Variants in ADCY5 observed in about 807,000 individuals in gnomAD.
The protein encoded by ADCY5 is adenylate cyclase 5.
Under a neutral mutation model 119.7 loss-of-function variants are expected in ADCY5, and 30 were observed. That is an observed-to-expected ratio of 0.25 (90% confidence interval 0.19 to 0.34). ADCY5 has a LOEUF of 0.34. ADCY5 is among the 10% of genes least tolerant of loss of function. The pLI, the probability that ADCY5 is intolerant of heterozygous loss-of-function variation, is 1.00. For synonymous variants in ADCY5, 753 were observed against 762.2 expected, an observed-to-expected ratio of 0.99 and a Z score of 0.20; for missense variants, 1,324 against 1,775.2, an observed-to-expected ratio of 0.75 and a Z score of 4.57.
chr3:123,364,485 G>A (rs1242929618), intron 1 of ADCY5, among the ~76,000 whole-genome samples: 1 of 152,124 alleles, frequency 6.6e-6, no homozygotes, highest in Non-Finnish European at 1.5e-5. Flanking sequence ...TACAGATGAT[G>A]CAAACAGCAT....
At position 123,448,563 on chromosome 3, in the gene ADCY5, C is replaced by A. The variant is rs1945874176; in HGVS notation, c.-18G>T. 1.3e-5 allele frequency: 17 copies of A among 1,262,728 alleles called. No homozygotes were observed. Among genetic ancestry groups the A allele is most frequent in the Non-Finnish European group, 1.7e-5 (17 of 1,005,744 alleles). 78.2% of individuals were successfully genotyped at this position (1,262,728 alleles called of 1,614,324 possible). A position where few individuals can be genotyped will look rare whatever the true frequency, so the allele number is the denominator to read the frequency against. ...CCGGACATCCCCCCCTCGGCCTCGT[C>A]GTCTCCTTCCTCCTCCCCCGGAAGC... On this transcript the variant is annotated 5_prime_UTR_variant, in exon 1 of 21. Coordinates refer to ENST00000462833, the MANE Select transcript of ADCY5 (RefSeq NM_183357.3).
chr3:123,328,260 C>G (rs1425903378), intron 6 of ADCY5, among the ~76,000 whole-genome samples: 2 of 152,146 alleles, frequency 1.3e-5, no homozygotes, highest in African/African-American at 2.4e-5. Context: ...GCAGCAGGCT[C>G]TTCCCACCCC....
chr3:123,320,673 A>G, intron 9 of ADCY5, 76 bp downstream of exon 9: 1 of 1,571,980 alleles, frequency 6.4e-7, no homozygotes, highest in Admixed American at 1.7e-5. Flanking sequence ...GAGTGTGGAG[A>G]AACCAAGTGA....
chr3:123,377,943 A>AC (rs1334716249), intron 1 of ADCY5, among the ~76,000 whole-genome samples: 5 of 151,632 alleles, frequency 3.3e-5, no homozygotes, highest in Non-Finnish European at 5.9e-5. Context: ...AAAAAAAAAA[A>AC]AAAAACTCAA....
At chr3:123,338,533 T>G (rs891806681) in intron 3 of ADCY5, among the ~76,000 whole-genome samples, 3 of 152,210 alleles carry the variant, frequency 2.0e-5, no homozygotes, top group Admixed American at 1.3e-4. Context: ...ATTTCCCAAC[T>G]CAGCGCTGGC....
chr3:123,415,412 A>C (rs1180307305), intron 1 of ADCY5, among the ~76,000 whole-genome samples: 1 of 152,174 alleles, frequency 6.6e-6, no homozygotes, highest in East Asian at 1.9e-4. Flanking sequence ...GGCCGATCAG[A>C]TCACTTCTCA....
intron 1 of ADCY5, among the ~76,000 whole-genome samples, chr3:123,372,113 G>T (rs77486525): frequency 0.012 from 1,843 of 152,268 alleles, 27 homozygotes; most frequent in African/African-American, 0.04. Flanking sequence ...CAGGAGCCCT[G>T]GTTGTCTCCT....
chr3:123,361,224 G>A (rs1012257410), intron 1 of ADCY5, among the ~76,000 whole-genome samples: 2 of 152,036 alleles, frequency 1.3e-5, no homozygotes, highest in Non-Finnish European at 2.9e-5. Context: ...GTCCTCCGGG[G>A]GCACACTCTC....
At chr3:123,366,992 C>T (rs1943464548) in intron 1 of ADCY5, among the ~76,000 whole-genome samples, 1 of 152,178 alleles carries the variant, frequency 6.6e-6, no homozygotes, top group Non-Finnish European at 1.5e-5. Context: ...CAGAGAAATC[C>T]CTGATTTCAA....
At chr3:123,305,209 T>C (rs1940135240) in intron 12 of ADCY5, among the ~76,000 whole-genome samples, 1 of 152,168 alleles carries the variant, frequency 6.6e-6, no homozygotes, top group South Asian at 2.1e-4. Context: ...GCTTTTGTGG[T>C]GAGTGAAGCA....
chr3:123,300,353 G>A (rs1033477627), intron 14 of ADCY5, 58 bp from the exon 15 acceptor site: 1 of 1,563,096 alleles, frequency 6.4e-7, no homozygotes, highest in African/African-American at 1.4e-5. Flanking sequence ...CCGGGCCCTG[G>A]CCCCATGCAT....
At position 123,447,638 on chromosome 3, in the gene ADCY5, T is replaced by C. The variant is rs757908717; in HGVS notation, c.908A>G (p.Tyr303Cys). 3.7e-6 allele frequency: 6 copies of C among 1,609,174 alleles called. No individual in the cohort carries two copies. Among genetic ancestry groups the C allele is most frequent in the African/African-American group, 1.3e-5 (1 of 75,000 alleles). ...FHQDHMGLACYALIAVVLAVQ... is the reference protein window; with the variant it reads ...FHQDHMGLACCALIAVVLAVQ... ...GGCCAGCACCACGGCGATGAGCGCA[T>C]AGCAGGCCAGGCCCATGTGGTCCTG... Residue 303 changes from tyrosine to cysteine, a missense_variant, in exon 1 of 21, where the codon TAT (tyrosine) becomes TGT (cysteine). Transcript: ENST00000462833.
In ADCY5 at chr3:123,406,523, T is replaced by A. The variant is rs1011253717; in HGVS notation, c.1134+40889A>T. Among the ~76,000 whole-genome samples, 8 of 152,336 alleles carry A rather than the reference T, an allele frequency of 5.3e-5. No homozygotes were observed. In the East Asian group the frequency reaches 1.5e-3, roughly 29 times the overall value. Reference sequence around the variant, plus strand: ...CTCCCCAGGCAGTCACAGAGATTATTGTCTGGTGCCCCTGATCAGCAAAGC... The same window carrying A: ...CTCCCCAGGCAGTCACAGAGATTATAGTCTGGTGCCCCTGATCAGCAAAGC... On this transcript the variant is annotated intron_variant, in intron 1 of 20. Transcript: ENST00000462833.
intron 8 of ADCY5, among the ~76,000 whole-genome samples, chr3:123,321,146 T>G (rs1941199572): frequency 6.6e-6 from 1 of 152,086 alleles, no homozygotes; most frequent in Non-Finnish European, 1.5e-5. Context: ...CAGATGGAAA[T>G]CGGGAATTGC....
chr3:123,294,506 C>A (rs763102415), intron 17 of ADCY5, among the ~76,000 whole-genome samples: 3 of 152,322 alleles, frequency 2.0e-5, no homozygotes, highest in Middle Eastern at 3.4e-3. Flanking sequence ...TCTCTCAGTG[C>A]GAGGCACCAA....
intron 1 of ADCY5, among the ~76,000 whole-genome samples, chr3:123,368,784 GC>G (rs1255665853): frequency 1.3e-5 from 2 of 151,440 alleles, no homozygotes; most frequent in Non-Finnish European, 2.9e-5. Context: ...TAGGAGCCAG[GC>G]CTCCTCTGCT....
At chr3:123,304,206 G>T (rs374360810) in intron 12 of ADCY5, 23 bp from the exon 13 acceptor site, 63 of 1,058,752 alleles carry the variant, frequency 6.0e-5, no homozygotes, top group Admixed American at 1.1e-4. Flanking sequence ...CAGGGGTGGA[G>T]AGGGAGGGAG....
intron 1 of ADCY5, among the ~76,000 whole-genome samples, chr3:123,435,635 C>G (rs915484348): frequency 6.6e-6 from 1 of 151,984 alleles, no homozygotes; most frequent in Non-Finnish European, 1.5e-5. Context: ...CTGCTGCCAC[C>G]TTATAACAGC....
At chr3:123,336,987 G>C (rs1942058473) in intron 3 of ADCY5, among the ~76,000 whole-genome samples, 1 of 152,122 alleles carries the variant, frequency 6.6e-6, no homozygotes, top group Non-Finnish European at 1.5e-5. Flanking sequence ...GTCTTTTTCT[G>C]TTTTATTTTC....
Sources: allele counts gnomAD v4.1 joint callset (sites outside exome capture counted in the v4.1 genomes callset), GRCh38; gene constraint gnomAD v4.1.1; transcripts MANE v1.5; gene names NCBI Gene and HGNC (gene_info 2026-07-23, HGNC 2026-07-21).